Variants in LIN7A observed in about 807,000 individuals in gnomAD.
LIN7A encodes the protein lin-7 cell polarity scaffold A.
A neutral mutation model predicts 29.8 loss-of-function variants in LIN7A; 25 were observed. The observed-to-expected ratio is 0.84, with a 90% CI of 0.61 to 1.17. LIN7A has a LOEUF of 1.17. Ranked by LOEUF, LIN7A falls within the 50% of genes most tolerant of loss-of-function variation. The probability of loss-of-function intolerance (pLI) is 0.00; values close to 1 mark genes in which losing one functional copy is unlikely to be tolerated. For missense variants in LIN7A, 239 were observed against 287.0 expected (o/e 0.83, Z 1.21); for synonymous variants, 118 against 107.5 (o/e 1.10, Z -0.60).
chr12:80,877,355 C>T lies in LIN7A; in HGVS notation c.201+11896G>A, dbSNP rs1874764176. On this transcript the variant is annotated intron_variant, in intron 2 of 5. Coordinates refer to ENST00000552864, the MANE Select transcript of LIN7A (RefSeq NM_004664.4). Reference sequence around the variant, plus strand: ...AAGGAATATTACACAGCAGCTAAAGCGAATGAACCACAACAATGCAAAAAT... The same window carrying T: ...AAGGAATATTACACAGCAGCTAAAGTGAATGAACCACAACAATGCAAAAAT... Among the ~76,000 whole-genome samples the T allele has an allele frequency of 3.9e-5, 6 of 152,026 alleles. No individual in the cohort carries two copies. In the South Asian group the frequency reaches 1.0e-3, roughly 26 times the overall value.
intron 1 of LIN7A, among the ~76,000 whole-genome samples, chr12:80,913,829 T>G (rs917074989): frequency 6.6e-6 from 1 of 152,232 alleles, no homozygotes; most frequent in Non-Finnish European, 1.5e-5. Flanking sequence ...AAAAAATCTA[T>G]AGCTATTACT....
At position 80,794,721 on chromosome 12, in the gene LIN7A, A is replaced by G. The variant is rs990500237; in HGVS notation, c.*3006T>C. On this transcript the variant is annotated 3_prime_UTR_variant, in exon 6 of 6. Coordinates refer to ENST00000552864, the MANE Select transcript of LIN7A (RefSeq NM_004664.4). ...GTCTTAAAAGACTGTGATTGTTCAC[A>G]TAACTGGAGAATTCCCTATTGACTA... 6.6e-6 allele frequency: 1 copy of G among 152,228 alleles called. No individual in the cohort carries two copies. The highest frequency in any genetic ancestry group is 2.1e-4 in the South Asian group (1 of 4,836). 9.4% of individuals were successfully genotyped at this position (152,228 alleles called of 1,614,324 possible).
chr12:80,929,034 A>G (rs1330999775), intron 1 of LIN7A, among the ~76,000 whole-genome samples: 6 of 152,102 alleles, frequency 3.9e-5, no homozygotes, highest in Non-Finnish European at 7.4e-5. Context: ...TTAATTTTCC[A>G]GAGAGTTTTT....
intron 4 of LIN7A, among the ~76,000 whole-genome samples, chr12:80,829,066 A>G (rs1872220244): frequency 6.6e-6 from 1 of 152,206 alleles, no homozygotes; most frequent in South Asian, 2.1e-4. Context: ...CATGAGAGGA[A>G]AGGTCATTCT....
intron 1 of LIN7A, among the ~76,000 whole-genome samples, chr12:80,902,518 G>C (rs1876277772): frequency 6.6e-6 from 1 of 151,970 alleles, no homozygotes; most frequent in South Asian, 2.1e-4. Flanking sequence ...CCATTTATTA[G>C]TGCCATCTCT....
chr12:80,871,919 T>C (rs980084450), intron 2 of LIN7A, among the ~76,000 whole-genome samples: 8 of 152,184 alleles, frequency 5.3e-5, no homozygotes, highest in African/African-American at 1.9e-4. Flanking sequence ...TTTTTCTCAC[T>C]GTTAGCTCAT....
intron 4 of LIN7A, among the ~76,000 whole-genome samples, chr12:80,821,358 C>T (rs1311426577): frequency 6.6e-6 from 1 of 152,070 alleles, no homozygotes; most frequent in Non-Finnish European, 1.5e-5. Context: ...AGATGTTGCA[C>T]ATGTGCACAG....
intron 4 of LIN7A, among the ~76,000 whole-genome samples, chr12:80,825,210 G>A (rs1210842163): frequency 6.6e-6 from 1 of 152,178 alleles, no homozygotes; most frequent in Non-Finnish European, 1.5e-5. Context: ...AAGGGGAAAG[G>A]AAGGAGAGAT....
intron 5 of LIN7A, among the ~76,000 whole-genome samples, chr12:80,809,901 A>G (rs946214484): frequency 3.3e-5 from 5 of 152,184 alleles, no homozygotes; most frequent in Non-Finnish European, 7.3e-5. Context: ...GACAAGTAAT[A>G]ATTTTATATA....
intron 4 of LIN7A, chr12:80,832,515 A>G (rs1199838675): frequency 6.3e-6 from 3 of 475,876 alleles, no homozygotes; most frequent in Non-Finnish European, 4.4e-6. Flanking sequence ...GCCTTGGATG[A>G]AATCTCTTTT....
intron 4 of LIN7A, among the ~76,000 whole-genome samples, chr12:80,814,797 G>A (rs983966169): frequency 1.3e-5 from 2 of 152,106 alleles, no homozygotes; most frequent in African/African-American, 2.4e-5. Flanking sequence ...TTGCCTTCAT[G>A]CTTTATCTTC....
chr12:80,924,013 C>T (rs1236340508), intron 1 of LIN7A, among the ~76,000 whole-genome samples: 4 of 152,180 alleles, frequency 2.6e-5, no homozygotes, highest in Non-Finnish European at 4.4e-5. Context: ...CTATGTCTGT[C>T]ATGTAGTAAA....
intron 2 of LIN7A, among the ~76,000 whole-genome samples, chr12:80,877,525 C>T (rs1157151247): frequency 6.6e-6 from 1 of 151,368 alleles, no homozygotes; most frequent in African/African-American, 2.4e-5. Context: ...AGACTATATA[C>T]AAATAAAGCA....
At chr12:80,841,996 T>C (rs116914879) in intron 4 of LIN7A, 1 of 1,270,314 alleles carries the variant, frequency 7.9e-7, no homozygotes, top group Non-Finnish European at 1.0e-6. Flanking sequence ...TGGAATTGTA[T>C]TAGGTGGTTC....
At chr12:80,860,578 G>A (rs150727648) in intron 2 of LIN7A, among the ~76,000 whole-genome samples, 183 of 152,292 alleles carry the variant, frequency 1.2e-3, no homozygotes, top group African/African-American at 4.2e-3. Context: ...GTTAATTCAG[G>A]GTGGTGAATG....
intron 4 of LIN7A, among the ~76,000 whole-genome samples, chr12:80,842,427 A>C (rs1592885405): frequency 2.0e-5 from 3 of 152,262 alleles, no homozygotes; most frequent in African/African-American, 7.2e-5. Flanking sequence ...TATATAATTT[A>C]AAGTTCAGAG....
At chr12:80,888,043 C>T (rs1275028376) in intron 2 of LIN7A, among the ~76,000 whole-genome samples, 1 of 152,076 alleles carries the variant, frequency 6.6e-6, no homozygotes, top group Non-Finnish European at 1.5e-5. Context: ...TTATACCTTT[C>T]CCACTGAGGG....
At chr12:80,875,953 T>C (rs909693773) in intron 2 of LIN7A, among the ~76,000 whole-genome samples, 1 of 152,182 alleles carries the variant, frequency 6.6e-6, no homozygotes, top group African/African-American at 2.4e-5. Flanking sequence ...TTGGATCTCA[T>C]GTGCAAAGAA....
chr12:80,931,015 A>C (rs1194936109), intron 1 of LIN7A, among the ~76,000 whole-genome samples: 1 of 152,204 alleles, frequency 6.6e-6, no homozygotes, highest in Non-Finnish European at 1.5e-5. Context: ...ATATCCTAAC[A>C]GGCAAATGTC....
Sources: gnomAD v4.1 joint callset for allele counts (sites outside exome capture counted in the v4.1 genomes callset) on GRCh38, gnomAD v4.1.1 for gene constraint, MANE v1.5 for transcripts, NCBI Gene and HGNC (gene_info 2026-07-23, HGNC 2026-07-21) for gene names.